The following NRG3 variants were observed in gnomAD, a reference collection of about 807,000 sequenced individuals.
The protein encoded by NRG3 is pro-neuregulin-3, membrane-bound isoform.
NRG3 carries 31 observed loss-of-function variants against 66.9 expected under a neutral mutation model. That is an observed-to-expected ratio of 0.46 (90% CI 0.35 to 0.63). The LOEUF (loss-of-function observed/expected upper bound fraction) is 0.63, where lower values mean the gene tolerates loss of function less well. Among genes scored for constraint, NRG3 ranks in the 20% least tolerant of loss-of-function variants. NRG3 has a pLI of 0.00. For missense variants in NRG3, 910 were observed against 878.9 expected, an observed-to-expected ratio of 1.04 and a Z score of -0.45; for synonymous variants, 393 against 359.4, an observed-to-expected ratio of 1.09 and a Z score of -1.06.
At chr10:81,959,254 C>T (rs1010644439) in intron 1 of NRG3, among the ~76,000 whole-genome samples, 3 of 152,138 alleles carry the variant, frequency 2.0e-5, no homozygotes, top group African/African-American at 4.8e-5. Flanking sequence ...CTTGTGTTGT[C>T]ATTGTGCTAC....
chr10:82,652,342 C>T (rs780507107), intron 2 of NRG3, among the ~76,000 whole-genome samples: 5 of 151,928 alleles, frequency 3.3e-5, no homozygotes, highest in South Asian at 4.2e-4. Context: ...GGAGGTCACA[C>T]GAATGAATTG....
chr10:82,238,568 T>C (rs561267618), intron 1 of NRG3, among the ~76,000 whole-genome samples: 1 of 152,142 alleles, frequency 6.6e-6, no homozygotes, highest in Non-Finnish European at 1.5e-5. Context: ...CATCATCCAG[T>C]TCTTTTTCTT....
intron 1 of NRG3, among the ~76,000 whole-genome samples, chr10:82,159,639 G>A (rs1004196591): frequency 7.2e-5 from 11 of 151,964 alleles, no homozygotes; most frequent in African/African-American, 2.2e-4. Flanking sequence ...GAGAATCTAA[G>A]AAATAGAAAC....
chr10:82,436,961 C>T (rs902890848), intron 2 of NRG3, among the ~76,000 whole-genome samples: 1 of 152,038 alleles, frequency 6.6e-6, no homozygotes. Context: ...CTCTGGCTGC[C>T]CTTAACAGTT....
chr10:82,483,638 C>T (rs1186154490), intron 2 of NRG3, among the ~76,000 whole-genome samples: 5 of 152,286 alleles, frequency 3.3e-5, no homozygotes, highest in East Asian at 1.9e-4. Context: ...ACGCCAGGCC[C>T]TATTCCCCTT....
intron 2 of NRG3, among the ~76,000 whole-genome samples, chr10:82,593,391 T>A (rs550553970): frequency 6.6e-6 from 1 of 152,342 alleles, no homozygotes; most frequent in South Asian, 2.1e-4. Context: ...CTTGAGATTA[T>A]GGTAGAAATG....
At chr10:82,473,055 C>A (rs1372227568) in intron 2 of NRG3, among the ~76,000 whole-genome samples, 1 of 152,172 alleles carries the variant, frequency 6.6e-6, no homozygotes. Context: ...ATACCAACTT[C>A]AGGAAAATTA....
chr10:82,230,220 C>T (rs1210059944), intron 1 of NRG3: 2 of 152,114 alleles, frequency 1.3e-5, no homozygotes, highest in Admixed American at 1.3e-4. Context: ...CCTTTTAAAA[C>T]ACAGTCATCC....
At chr10:82,058,977 G>A (rs2063989830) in intron 1 of NRG3, among the ~76,000 whole-genome samples, 1 of 152,270 alleles carries the variant, frequency 6.6e-6, no homozygotes, top group Non-Finnish European at 1.5e-5. Flanking sequence ...TGGAGAAGGA[G>A]CAAGAAAGTC....
At chr10:82,309,022 A>T (rs1259040494) in intron 1 of NRG3, among the ~76,000 whole-genome samples, 2 of 152,224 alleles carry the variant, frequency 1.3e-5, no homozygotes, top group South Asian at 4.1e-4. Flanking sequence ...GAAATCAGGT[A>T]TACTCATATG....
At chr10:82,803,852 C>T (rs1200486797) in intron 3 of NRG3, among the ~76,000 whole-genome samples, 1 of 152,154 alleles carries the variant, frequency 6.6e-6, no homozygotes, top group East Asian at 1.9e-4. Flanking sequence ...CCTCCTTATC[C>T]ATGGCTTCAC....
intron 2 of NRG3, among the ~76,000 whole-genome samples, chr10:82,532,553 G>A (rs1485236538): frequency 2.1e-5 from 3 of 145,534 alleles, no homozygotes; most frequent in Non-Finnish European, 4.5e-5. Flanking sequence ...ATATGTATAT[G>A]TATATAGTAC....
At chr10:82,211,493 G>A (rs529437864) in intron 1 of NRG3, among the ~76,000 whole-genome samples, 1 of 152,252 alleles carries the variant, frequency 6.6e-6, no homozygotes, top group African/African-American at 2.4e-5. Context: ...GGAGTCGAAA[G>A]GCATCCTTGG....
chr10:82,444,486 C>T (rs1180460806), intron 2 of NRG3, among the ~76,000 whole-genome samples: 1 of 151,990 alleles, frequency 6.6e-6, no homozygotes, highest in Non-Finnish European at 1.5e-5. Context: ...ATGAGACAAA[C>T]AATTGATAAA....
chr10:82,016,094 A>G (rs952894047), intron 1 of NRG3, among the ~76,000 whole-genome samples: 1 of 151,666 alleles, frequency 6.6e-6, no homozygotes, highest in African/African-American at 2.4e-5. Flanking sequence ...CAGCAGTGTT[A>G]ATATATTAAT....
chr10:82,946,656 T>A (rs938926423), intron 4 of NRG3, among the ~76,000 whole-genome samples: 1 of 152,104 alleles, frequency 6.6e-6, no homozygotes, highest in East Asian at 1.9e-4. Context: ...CAGTGTCATA[T>A]CAGGCAGGTC....
intron 1 of NRG3, among the ~76,000 whole-genome samples, chr10:82,169,696 G>T (rs928812131): frequency 1.3e-5 from 2 of 150,506 alleles, no homozygotes; most frequent in Admixed American, 1.3e-4. Context: ...ATTTCTACTT[G>T]CTCTCTCTGT....
chr10:81,898,467 G>T (rs79643717), intron 1 of NRG3, among the ~76,000 whole-genome samples: 2 of 152,120 alleles, frequency 1.3e-5, no homozygotes, highest in African/African-American at 4.8e-5. Flanking sequence ...TCATCTCCAG[G>T]GTTGGCTGAA....
At chr10:82,614,678 T>C (rs1232313414) in intron 2 of NRG3, among the ~76,000 whole-genome samples, 2 of 152,204 alleles carry the variant, frequency 1.3e-5, no homozygotes, top group African/African-American at 4.8e-5. Flanking sequence ...ATTCACTTTT[T>C]ACTCAGATCT....
Sources: allele counts gnomAD v4.1 joint callset (sites outside exome capture counted in the v4.1 genomes callset), GRCh38; gene constraint gnomAD v4.1.1; transcripts MANE v1.5; gene names NCBI Gene and HGNC (gene_info 2026-07-23, HGNC 2026-07-21).